The following DOCK1 variants were observed in gnomAD, a reference collection of about 807,000 sequenced individuals.
The protein encoded by DOCK1 is dedicator of cytokinesis protein 1.
Under a neutral mutation model 262.7 loss-of-function variants are expected in DOCK1, and 138 were observed. That is an observed-to-expected ratio of 0.53 (90% confidence interval 0.46 to 0.61). The LOEUF is 0.61. Ranked by LOEUF, DOCK1 falls within the 20% of genes least tolerant of loss-of-function variation. The pLI, the probability that DOCK1 is intolerant of heterozygous loss-of-function variation, is 0.00. For synonymous variants in DOCK1, 866 were observed against 867.4 expected, an observed-to-expected ratio of 1.00 and a Z score of 0.03; for missense variants, 1,908 against 2,370.7, an observed-to-expected ratio of 0.80 and a Z score of 4.05.
At chr10:127,237,176 T>G (rs1049662156) in intron 27 of DOCK1, among the ~76,000 whole-genome samples, 1 of 151,976 alleles carries the variant, frequency 6.6e-6, no homozygotes, top group Admixed American at 6.6e-5. Flanking sequence ...CTGGCCAACA[T>G]GGGGAAACCC....
At chr10:127,135,851 A>G (rs2050645234) in intron 27 of DOCK1, 2 of 152,600 alleles carry the variant, frequency 1.3e-5, no homozygotes, top group African/African-American at 2.4e-5. Flanking sequence ...CCTTATTTCA[A>G]TTTACTGAGA....
chr10:127,445,000 C>G (rs1208320513), intron 50 of DOCK1, among the ~76,000 whole-genome samples: 1 of 152,090 alleles, frequency 6.6e-6, no homozygotes, highest in Non-Finnish European at 1.5e-5. Context: ...ATAGGGTCCA[C>G]TGCAAATCCA....
chr10:127,082,403 G>A (rs2046956098), intron 23 of DOCK1, among the ~76,000 whole-genome samples: 1 of 152,134 alleles, frequency 6.6e-6, no homozygotes, highest in African/African-American at 2.4e-5. Flanking sequence ...CCACATGGCT[G>A]GGGAGGCCTC....
At chr10:127,303,840 CAG>C (rs1486357590) in intron 29 of DOCK1, among the ~76,000 whole-genome samples, 7 of 152,148 alleles carry the variant, frequency 4.6e-5, no homozygotes, top group Admixed American at 4.6e-4. Flanking sequence ...GCCTGGGCAA[CAG>C]AGTGAGATCC....
chr10:127,426,046 T>C, intron 47 of DOCK1, 35 bp downstream of exon 47: 1 of 1,610,758 alleles, frequency 6.2e-7, no homozygotes. Flanking sequence ...TGCAGAAGAG[T>C]GGGTGTCTGG....
At chr10:127,433,472 TG>T (rs2069444378) in intron 48 of DOCK1, 44 bp downstream of exon 48, 1 of 1,595,190 alleles carries the variant, frequency 6.3e-7, no homozygotes, top group African/African-American at 1.3e-5. Context: ...AGTGAGGGCT[TG>T]GGGGATCTGG....
At chr10:126,949,379 G>A (rs1447227790) in intron 1 of DOCK1, among the ~76,000 whole-genome samples, 1 of 152,068 alleles carries the variant, frequency 6.6e-6, no homozygotes, top group Non-Finnish European at 1.5e-5. Context: ...GCAGGATTTC[G>A]GCTCCCACGT....
At chr10:127,351,169 T>G (rs746778028) in intron 31 of DOCK1, among the ~76,000 whole-genome samples, 14 of 152,188 alleles carry the variant, frequency 9.2e-5, no homozygotes, top group Non-Finnish European at 1.6e-4. Flanking sequence ...GGTTACAGCC[T>G]GGATGTGGGA....
intron 1 of DOCK1, among the ~76,000 whole-genome samples, chr10:126,934,747 G>GTTTTTTTTTTTTT (rs1166445414): frequency 2.7e-4 from 29 of 107,448 alleles, no homozygotes; most frequent in African/African-American, 4.9e-4. Flanking sequence ...GAATTTACGA[G>GTTTTTTTTTTTTT]TTTTTTTTTT....
rs561139161 is a variant in DOCK1 at position 127,336,684 on chromosome 10, T to C, written c.3045-2322T>C. ...CCTCCCAAGTAGCTGGGACTGCAGG[T>C]GCCCGCCACCACACCCAGCTAATTT... On this transcript the variant is annotated intron_variant, in intron 29 of 51. Coordinates refer to ENST00000623213, the MANE Select transcript of DOCK1 (RefSeq NM_001290223.2). 6.2e-3 allele frequency among the ~76,000 whole-genome samples: 945 copies of C among 152,088 alleles called. 11 individuals carry two copies. The highest frequency in any genetic ancestry group is 0.021 in the African/African-American group (881 of 41,492).
At chr10:127,266,480 A>AACACACACAC (rs68190118) in intron 29 of DOCK1, among the ~76,000 whole-genome samples, 13,012 of 149,178 alleles carry the variant, frequency 0.087, 633 homozygotes, top group Non-Finnish European at 0.12. Flanking sequence ...TAAGTACCAA[A>AACACACACAC]ACACACACAC....
At chr10:127,111,248 C>A (rs2048846503) in intron 25 of DOCK1, among the ~76,000 whole-genome samples, 1 of 152,132 alleles carries the variant, frequency 6.6e-6, no homozygotes, top group South Asian at 2.1e-4. Context: ...TTGGCTTAAC[C>A]TTATAAAATG....
chr10:127,051,785 G>T (rs1173408473), intron 21 of DOCK1, among the ~76,000 whole-genome samples: 1 of 152,066 alleles, frequency 6.6e-6, no homozygotes, highest in African/African-American at 2.4e-5. Flanking sequence ...GTTTCATTTT[G>T]TTGTCCAGGC....
At position 127,418,345 on chromosome 10, in the gene DOCK1, G is replaced by T. The variant is rs779468850; in HGVS notation, c.4516-20G>T. On this transcript the variant is annotated intron_variant, in intron 44 of 51. Transcript: ENST00000623213. ...GAGGCAGCTGTGGGGCTGACATCGG[G>T]CTCTCCTCTCTCTTTGCAGGTGGAA... is the stretch of plus-strand genomic sequence containing the variant. 6.3e-7 allele frequency: 1 copy of T among 1,595,218 alleles called. No individual in the cohort carries two copies. The highest frequency in any genetic ancestry group is 1.3e-5 in the African/African-American group (1 of 74,572).
chr10:127,237,151 G>C (rs2489423), intron 27 of DOCK1, among the ~76,000 whole-genome samples: 68,058 of 151,874 alleles, frequency 0.45, 15,449 homozygotes, highest in South Asian at 0.64. Context: ...CTGAGGTCTG[G>C]AGTTTGAGAC....
chr10:127,320,419 G>A (rs2062468069), intron 29 of DOCK1, among the ~76,000 whole-genome samples: 1 of 152,156 alleles, frequency 6.6e-6, no homozygotes, highest in African/African-American at 2.4e-5. Flanking sequence ...AGATGCCCAG[G>A]GCTCCCTTGA....
chr10:127,011,573 C>T (rs1050972848), intron 11 of DOCK1, among the ~76,000 whole-genome samples: 4 of 152,198 alleles, frequency 2.6e-5, no homozygotes, highest in Admixed American at 2.0e-4. Flanking sequence ...GCCAGTCTCT[C>T]GTACAGCGCA....
At chr10:127,047,072 C>T (rs765176763) in intron 21 of DOCK1, among the ~76,000 whole-genome samples, 14 of 152,174 alleles carry the variant, frequency 9.2e-5, no homozygotes, top group African/African-American at 2.7e-4. Flanking sequence ...ACTGGCTGCA[C>T]GCATGGTGCT....
intron 23 of DOCK1, among the ~76,000 whole-genome samples, chr10:127,064,991 A>G (rs1397349915): frequency 4.0e-5 from 6 of 151,738 alleles, no homozygotes. Context: ...CTCATACCAC[A>G]TTTGTCCTTT....
Sources: allele counts gnomAD v4.1 joint callset (sites outside exome capture counted in the v4.1 genomes callset), GRCh38; gene constraint gnomAD v4.1.1; transcripts MANE v1.5; gene names NCBI Gene and HGNC (gene_info 2026-07-23, HGNC 2026-07-21).